The following CCDC7 variants were observed in gnomAD, a reference collection of about 807,000 sequenced individuals.
CCDC7 encodes coiled-coil domain containing 7.
In CCDC7, 183 loss-of-function variants were observed where a neutral mutation model predicts 196.9. That is an observed-to-expected ratio of 0.93 (90% CI 0.82 to 1.05). The LOEUF (loss-of-function observed/expected upper bound fraction) is 1.05. Among genes scored for constraint, CCDC7 ranks in the 50% least tolerant of loss-of-function variants. The pLI, the probability that CCDC7 is intolerant of heterozygous loss-of-function variation, is 0.00. For missense variants in CCDC7, 1,540 were observed against 1,482.2 expected, an observed-to-expected ratio of 1.04 and a Z score of -0.64; for synonymous variants, 525 against 484.6, an observed-to-expected ratio of 1.08 and a Z score of -1.10.
intron 20 of CCDC7, among the ~76,000 whole-genome samples, chr10:32,654,978 A>C (rs1010778449): frequency 1.3e-5 from 2 of 152,154 alleles, no homozygotes; most frequent in Non-Finnish European, 2.9e-5. Flanking sequence ...ACCACTGATC[A>C]TTTTTTGACA....
At chr10:32,477,535 C>T (rs1400715310) in intron 8 of CCDC7, among the ~76,000 whole-genome samples, 2 of 151,084 alleles carry the variant, frequency 1.3e-5, no homozygotes, top group African/African-American at 4.9e-5. Flanking sequence ...ACTGTAAAGT[C>T]TATGTCTAGA....
chr10:32,740,568 G>A (rs867953962), intron 28 of CCDC7, among the ~76,000 whole-genome samples: 7 of 151,472 alleles, frequency 4.6e-5, no homozygotes, highest in South Asian at 2.1e-4. Flanking sequence ...GCATATGTGT[G>A]TGAAGGGGTG....
At chr10:32,871,673 G>A (rs1008033315) in intron 41 of CCDC7, among the ~76,000 whole-genome samples, 8 of 151,864 alleles carry the variant, frequency 5.3e-5, no homozygotes, top group Non-Finnish European at 8.8e-5. Flanking sequence ...TGCTTCTCTC[G>A]TTCTTTTAAT....
chr10:32,759,306 A>G (rs1184359276), intron 28 of CCDC7, among the ~76,000 whole-genome samples: 1 of 152,180 alleles, frequency 6.6e-6, no homozygotes, highest in African/African-American at 2.4e-5. Flanking sequence ...AGCCAAAAGA[A>G]CAAAGCTGGA....
chr10:32,537,437 AT>A (rs1429303507), intron 11 of CCDC7, among the ~76,000 whole-genome samples: 1 of 151,960 alleles, frequency 6.6e-6, no homozygotes, highest in African/African-American at 2.4e-5. Flanking sequence ...TTTTCTCCCA[AT>A]CTCTAGGTTG....
chr10:32,783,904 A>T (rs1227655620), intron 29 of CCDC7, among the ~76,000 whole-genome samples: 1 of 152,230 alleles, frequency 6.6e-6, no homozygotes, highest in African/African-American at 2.4e-5. Flanking sequence ...AAAGATAAAT[A>T]TTGTATCTTA....
At chr10:32,832,490 A>C (rs766927300) in intron 32 of CCDC7, among the ~76,000 whole-genome samples, 2 of 152,054 alleles carry the variant, frequency 1.3e-5, no homozygotes, top group Non-Finnish European at 2.9e-5. Flanking sequence ...GGGAAAAAAA[A>C]CCCAAAAATT....
chr10:32,694,764 CT>C, intron 23 of CCDC7, 114 bp from the exon 25 acceptor site: 1 of 541,300 alleles, frequency 1.8e-6, no homozygotes, highest in Non-Finnish European at 3.2e-6. Flanking sequence ...TGATAATTTA[CT>C]TACAAATTTA....
chr10:32,563,672 T>C (rs1316691367), intron 13 of CCDC7, among the ~76,000 whole-genome samples: 3 of 152,144 alleles, frequency 2.0e-5, no homozygotes, highest in East Asian at 1.9e-4. Flanking sequence ...AAGACTTAAA[T>C]GTTAGACCTA....
chr10:32,802,107 A>G (rs2084920098), intron 29 of CCDC7, among the ~76,000 whole-genome samples: 1 of 152,112 alleles, frequency 6.6e-6, no homozygotes, highest in Non-Finnish European at 1.5e-5. Flanking sequence ...TTTTCTACAG[A>G]AGATAAGACT....
At chr10:32,804,576 A>G (rs975768551) in intron 29 of CCDC7, among the ~76,000 whole-genome samples, 2 of 152,118 alleles carry the variant, frequency 1.3e-5, no homozygotes, top group Non-Finnish European at 1.5e-5. Context: ...ATTGTTTTCA[A>G]GTTGCTAGGT....
intron 18 of CCDC7, among the ~76,000 whole-genome samples, chr10:32,602,208 A>T (rs1035635477): frequency 6.6e-6 from 1 of 152,044 alleles, no homozygotes; most frequent in African/African-American, 2.4e-5. Context: ...AGAGCTGTTA[A>T]CACTCACTGC....
chr10:32,526,645 G>T (rs1042267061), intron 11 of CCDC7, among the ~76,000 whole-genome samples: 2 of 152,040 alleles, frequency 1.3e-5, no homozygotes, highest in Non-Finnish European at 2.9e-5. Context: ...CTAGTACTGG[G>T]TCCTTCACTT....
At chr10:32,744,971 T>A (rs150398560) in intron 28 of CCDC7, among the ~76,000 whole-genome samples, 203 of 152,372 alleles carry the variant, frequency 1.3e-3, no homozygotes, top group Non-Finnish European at 2.4e-3. Flanking sequence ...AGACCTATGA[T>A]ACATTTTGAG....
intron 41 of CCDC7, among the ~76,000 whole-genome samples, chr10:32,855,561 A>G (rs1282476800): frequency 6.6e-6 from 1 of 152,130 alleles, no homozygotes; most frequent in Non-Finnish European, 1.5e-5. Context: ...GCAGTTCACA[A>G]TAGGGTTTGT....
chr10:32,729,556 G>T, intron 28 of CCDC7, 99 bp downstream of exon 29: 1 of 516,858 alleles, frequency 1.9e-6, no homozygotes, highest in Non-Finnish European at 3.2e-6. Context: ...TGCTTCTTCT[G>T]CTAATTATTT....
At chr10:32,469,603 T>C (rs1291927649) in intron 5 of CCDC7, among the ~76,000 whole-genome samples, 1 of 152,126 alleles carries the variant, frequency 6.6e-6, no homozygotes, top group Non-Finnish European at 1.5e-5. Flanking sequence ...ACAAGGGTGA[T>C]ATGTTGGAAA....
intron 32 of CCDC7, among the ~76,000 whole-genome samples, chr10:32,831,564 C>T (rs1034397214): frequency 1.3e-5 from 2 of 152,048 alleles, no homozygotes; most frequent in African/African-American, 4.8e-5. Flanking sequence ...TTTCTATATC[C>T]TTATTCAATA....
chr10:32,653,731 C>G (rs745585915), intron 20 of CCDC7, among the ~76,000 whole-genome samples: 14 of 152,152 alleles, frequency 9.2e-5, no homozygotes, highest in Non-Finnish European at 1.9e-4. Context: ...CTCAAAAGCC[C>G]ATCTCAAATT....
Sources: allele counts gnomAD v4.1 joint callset (sites outside exome capture counted in the v4.1 genomes callset), GRCh38; gene constraint gnomAD v4.1.1; transcripts MANE v1.5; gene names NCBI Gene and HGNC (gene_info 2026-07-23, HGNC 2026-07-21).